Variants in TBC1D16 observed in about 807,000 individuals in gnomAD.
The protein encoded by TBC1D16 is TBC1 domain family member 16.
TBC1D16 carries 58 observed loss-of-function variants against 74.7 expected under a neutral mutation model. The ratio of observed to expected loss-of-function variants is 0.78; its 90% confidence interval spans 0.63 to 0.97. TBC1D16 has a LOEUF of 0.97. TBC1D16 is among the 50% of genes least tolerant of loss of function. The pLI, the probability that TBC1D16 is intolerant of heterozygous loss-of-function variation, is 0.00. For synonymous variants in TBC1D16, 493 were observed against 474.7 expected, an observed-to-expected ratio of 1.04 and a Z score of -0.50; for missense variants, 1,014 against 1,079.5, an observed-to-expected ratio of 0.94 and a Z score of 0.85.
At chr17:79,960,808 A>AAAAAAAAAAAAAAAAAAAAAAAAAAAAAC (rs2033575314) in intron 3 of TBC1D16, among the ~76,000 whole-genome samples, 2 of 139,534 alleles carry the variant, frequency 1.4e-5, no homozygotes, top group African/African-American at 5.5e-5. Flanking sequence ...AAAAAAAAAA[A>AAAAAAAAAAAAAAAAAAAAAAAAAAAAAC]ACGAAGGAAT....
Position 79,980,751 on chromosome 17 carries a change from C to T in TBC1D16, c.780-27933G>A, listed in dbSNP as rs78901572. ...CCTCCGCGCACCCCAACAGCAGAGA[C>T]GTAACGTGCAGGACTGACTGGTGCT... On this transcript the variant is annotated intron_variant, in intron 3 of 11. Transcript: ENST00000310924. The surrounding 1 kb of genome is among the most constrained non-coding windows in gnomAD (Gnocchi z 7.0). Among the ~76,000 whole-genome samples the T allele has an allele frequency of 1.3e-5, 2 of 152,352 alleles. No individual in the cohort carries two copies. Among genetic ancestry groups the T allele is most frequent in the East Asian group, 3.9e-4 (2 of 5,186 alleles).
rs1050632795 is a variant in TBC1D16 at position 79,934,983 on chromosome 17, T to C, written c.*5876A>G. On this transcript the variant is annotated 3_prime_UTR_variant, in exon 12 of 12. Coordinates refer to ENST00000310924, the MANE Select transcript of TBC1D16 (RefSeq NM_019020.4). ...CCTGCTCCATGGGCCAAACCGCCTT[T>C]GCCCATCCCTCCCCTGACCCCTGCT... is the stretch of plus-strand genomic sequence containing the variant. 2 of 152,306 alleles carry C rather than the reference T, an allele frequency of 1.3e-5. No homozygotes were observed. The highest frequency in any genetic ancestry group is 4.8e-5 in the African/African-American group (2 of 41,454). 9.4% of individuals were successfully genotyped at this position (152,306 alleles called of 1,614,324 possible). A position where few individuals can be genotyped will look rare whatever the true frequency, so the allele number is the denominator to read the frequency against.
intron 1 of TBC1D16, among the ~76,000 whole-genome samples, chr17:80,017,448 T>C (rs933934911): frequency 1.3e-5 from 2 of 151,958 alleles, no homozygotes; most frequent in African/African-American, 4.8e-5. Flanking sequence ...TTGGGAGGCC[T>C]AGGTGGGCGG....
chr17:80,030,415 A>G (rs894309), intron 1 of TBC1D16, among the ~76,000 whole-genome samples: 10,470 of 152,242 alleles, frequency 0.069, 442 homozygotes, highest in East Asian at 0.17. Context: ...GGTGGGCTAC[A>G]GGTTCATGAC....
intron 3 of TBC1D16, among the ~76,000 whole-genome samples, chr17:80,003,308 A>G (rs2035559440): frequency 6.6e-6 from 1 of 152,166 alleles, no homozygotes; most frequent in Non-Finnish European, 1.5e-5. Flanking sequence ...CCAACACCCA[A>G]ACACCATCTT....
At position 79,956,444 on chromosome 17, in the gene TBC1D16, G is replaced by A. The variant is rs4243248; in HGVS notation, c.780-3626C>T. 0.14 allele frequency among the ~76,000 whole-genome samples: 21,288 copies of A among 152,052 alleles called. 1,899 individuals carry two copies. The highest frequency in any genetic ancestry group is 0.39 in the East Asian group (2,001 of 5,154). On this transcript the variant is annotated intron_variant, in intron 3 of 11. Coordinates refer to ENST00000310924, the MANE Select transcript of TBC1D16 (RefSeq NM_019020.4). The surrounding 1 kb of genome is among the most constrained non-coding windows in gnomAD (Gnocchi z 4.0). ...AATTTTTGTATTTTTTATAGAGATG[G>A]GGTTTTGCCATGTTGCCCAGGCTGG...
In TBC1D16 at chr17:79,942,077, C is replaced by T. The variant is rs747993015; in HGVS notation, c.2038G>A (p.Glu680Lys). The T allele has an allele frequency of 6.2e-7, 1 of 1,612,100 alleles. No homozygotes were observed. Among genetic ancestry groups the T allele is most frequent in the South Asian group, 1.1e-5 (1 of 90,926 alleles). The change falls in exon 11 of 12, where the codon GAG (glutamate) becomes AAG (lysine). Residue 680 changes from glutamate to lysine, a missense_variant. By Grantham distance (56) the Glu-to-Lys change is moderately conservative. Transcript: ENST00000310924. ...AGCCTCACCTTCCGGAGAACGAGCT[C>T]CCCGTTCATGTGCATGGCCAGGTTT... Reference protein sequence around the residue: ...FGNLAMHMNGELVLRKARSLL... With the variant: ...FGNLAMHMNGKLVLRKARSLL...
intron 7 of TBC1D16, 120 bp from the exon 8 acceptor site, chr17:79,949,126 C>CGGCT: frequency 7.9e-6 from 10 of 1,270,948 alleles, no homozygotes; most frequent in Non-Finnish European, 1.1e-5. Flanking sequence ...GGGAGCTGGG[C>CGGCT]GGCTGCTGCC....
In TBC1D16 at chr17:80,001,177, TTCCC is replaced by T. The variant is rs1467393094; in HGVS notation, c.779+8979_779+8982del. Among the ~76,000 whole-genome samples the T allele has an allele frequency of 6.6e-6, 1 of 152,206 alleles. No homozygotes were observed. Among genetic ancestry groups the T allele is most frequent in the African/African-American group, 2.4e-5 (1 of 41,462 alleles). ...TGGGGCTCTGACCAGCCAGCTGCCC[TTCCC>T]GTAACAGCTTCCCTCAGACCCCTGG... On this transcript the variant is annotated intron_variant, in intron 3 of 11. Transcript: ENST00000310924. The surrounding 1 kb of genome is among the most constrained non-coding windows in gnomAD (Gnocchi z 5.8).
chr17:80,010,638 C>G lies in TBC1D16; in HGVS notation c.301G>C (p.Glu101Gln). The G allele has an allele frequency of 6.4e-7, 1 of 1,571,118 alleles. No individual in the cohort carries two copies. The part of the protein sequence containing the change: ...DEEALRYITP[E>Q]SSPVRKAPRP... ...GGTGCCTTGCGAACGGGGGAGCTCTCGGGTGTGATGTAGCGCAGGGCCTCC... is the reference window on the plus strand; with the variant it reads ...GGTGCCTTGCGAACGGGGGAGCTCTGGGGTGTGATGTAGCGCAGGGCCTCC... Residue 101 changes from glutamate (E) to glutamine (Q), a missense_variant, in exon 3 of 12, where the codon GAG becomes CAG. By Grantham distance (29) the Glu-to-Gln change is conservative. Transcript: ENST00000310924. This position sits in a 1 kb window ranked among gnomAD's most constrained non-coding sequence, Gnocchi z 8.8.
chr17:79,942,845 CG>C (rs895789512), intron 10 of TBC1D16, among the ~76,000 whole-genome samples: 2 of 152,212 alleles, frequency 1.3e-5, no homozygotes, highest in African/African-American at 4.8e-5. Context: ...AGCCTCTTTT[CG>C]GGCATACTTT....
rs1283406738 is a variant in TBC1D16 at position 79,981,816 on chromosome 17, C to T, written c.779+28344G>A. Among the ~76,000 whole-genome samples the T allele has an allele frequency of 6.6e-6, 1 of 152,244 alleles. No individual in the cohort carries two copies. The highest frequency in any genetic ancestry group is 1.5e-5 in the Non-Finnish European group (1 of 68,044). ...GGCACGAAGCAGACCCACATCCGTC[C>T]CTGCAGCAGCAGCCTCGGCCCAACC... is the stretch of plus-strand genomic sequence containing the variant. On this transcript the variant is annotated intron_variant, in intron 3 of 11. Coordinates refer to ENST00000310924, the MANE Select transcript of TBC1D16 (RefSeq NM_019020.4). The surrounding 1 kb of genome is among the most constrained non-coding windows in gnomAD (Gnocchi z 6.9).
rs1375169909 is a variant in TBC1D16 at position 79,983,499 on chromosome 17, G to A, written c.779+26661C>T. ...CCTGGGGAACAGCCATGGAGACAGT[G>A]TCCCCCTATTGGAGTGAGCACCCGC... On this transcript the variant is annotated intron_variant, in intron 3 of 11. Transcript: ENST00000310924. This position sits in a 1 kb window ranked among gnomAD's most constrained non-coding sequence, Gnocchi z 5.6. 1.3e-5 allele frequency among the ~76,000 whole-genome samples: 2 copies of A among 152,222 alleles called. No individual in the cohort carries two copies. The highest frequency in any genetic ancestry group is 2.9e-5 in the Non-Finnish European group (2 of 68,040).
At chr17:80,017,730 T>C (rs2036142948) in intron 1 of TBC1D16, among the ~76,000 whole-genome samples, 3 of 149,212 alleles carry the variant, frequency 2.0e-5, no homozygotes, top group Admixed American at 6.7e-5. Context: ...GCTCACAGGC[T>C]GTACAAAACA....
At chr17:79,977,268 C>T (rs185146398) in intron 3 of TBC1D16, among the ~76,000 whole-genome samples, 8 of 152,328 alleles carry the variant, frequency 5.3e-5, no homozygotes, top group South Asian at 2.1e-4. Flanking sequence ...ATCCCAGAGA[C>T]GGCCCGGTGC....
intron 3 of TBC1D16, among the ~76,000 whole-genome samples, chr17:79,996,065 C>A (rs999232239): frequency 6.6e-6 from 1 of 152,104 alleles, no homozygotes; most frequent in Non-Finnish European, 1.5e-5. Context: ...ATGGATTAGA[C>A]GATGTCTCTT....
chr17:80,013,710 C>A (rs1434360661), intron 1 of TBC1D16, 101 bp from the exon 2 acceptor site: 3 of 677,074 alleles, frequency 4.4e-6, no homozygotes, highest in African/African-American at 3.7e-5. Flanking sequence ...TGGTTAACCA[C>A]AGGAGCGTGT....
At chr17:80,025,021 CCACAG>C in intron 1 of TBC1D16, among the ~76,000 whole-genome samples, 1 of 7,416 alleles carries the variant, frequency 1.3e-4, no homozygotes, top group African/African-American at 5.3e-4. Flanking sequence ...CACACACACA[CCACAG>C]ATGCACACAT....
Position 79,950,307 on chromosome 17 carries a change from G to A in TBC1D16, c.1257+104C>T. 1 of 1,345,224 alleles carries A rather than the reference G, an allele frequency of 7.4e-7. No homozygotes were observed. The highest frequency in any genetic ancestry group is 1.5e-5 in the South Asian group (1 of 65,630). The allele number at this position is 1,345,224 out of a possible 1,614,324, so 83.3% of individuals were successfully genotyped here. A position where few individuals can be genotyped will look rare whatever the true frequency, so the allele number is the denominator to read the frequency against. On this transcript the variant is annotated intron_variant, in intron 6 of 11. Transcript: ENST00000310924. This position sits in a 1 kb window ranked among gnomAD's most constrained non-coding sequence, Gnocchi z 4.6. ...CGGGGCCCTCACGAGGAGGTGGCCC[G>A]TGGGTGCGGGCGGGCGGCCAGGCCC... is the stretch of plus-strand genomic sequence containing the variant.
Sources: gnomAD v4.1 joint callset for allele counts (sites outside exome capture counted in the v4.1 genomes callset) on GRCh38, gnomAD v4.1.1 for gene constraint, Gnocchi (gnomAD v3.1) non-coding constraint, MANE v1.5 for transcripts, NCBI Gene and HGNC (gene_info 2026-07-23, HGNC 2026-07-21) for gene names.